Variants in LEPROTL1 observed in about 807,000 individuals in gnomAD.
The protein encoded by LEPROTL1 is leptin receptor overlapping transcript like 1, also known as leptin receptor overlapping transcript-like 1.
In LEPROTL1, 6 loss-of-function variants were observed where a neutral mutation model predicts 15.4. That is an observed-to-expected ratio of 0.39 (90% CI 0.21 to 0.77). The LOEUF (loss-of-function observed/expected upper bound fraction) is 0.77. Among genes scored for constraint, LEPROTL1 ranks in the 30% least tolerant of loss-of-function variants. The pLI is 0.41. For synonymous variants in LEPROTL1, 56 were observed against 52.6 expected (o/e 1.06, Z -0.28); for missense variants, 128 against 158.1 (o/e 0.81, Z 1.02).
downstream of LEPROTL1, among the ~76,000 whole-genome samples, chr8:30,110,480 T>C (rs960095138): frequency 6.6e-5 from 10 of 151,966 alleles, no homozygotes; most frequent in Admixed American, 5.9e-4. Flanking sequence ...AATCCCAGCA[T>C]TTTGGGAGGC....
At chr8:30,102,013 A>C in intron 2 of LEPROTL1, 40 bp downstream of exon 2, 1 of 1,326,730 alleles carries the variant, frequency 7.5e-7, no homozygotes, top group East Asian at 2.4e-5. Context: ...TTAAGGGTAA[A>C]ATTTTTCTAC....
At chr8:30,100,068 C>T (rs1300652006) in intron 1 of LEPROTL1, among the ~76,000 whole-genome samples, 2 of 152,202 alleles carry the variant, frequency 1.3e-5, no homozygotes, top group Non-Finnish European at 1.5e-5. Context: ...AGTAAAAATG[C>T]AATTCTTTTC....
rs537574908 is a variant in LEPROTL1, at chr8:30,133,042, C to T, written c.394+553C>T. On this transcript the variant is annotated intron_variant, in intron 4 of 4. Transcript: ENST00000442880. Reference sequence around the variant, plus strand: ...AGATTAATCTCATGGCCTGCAGGACCCCACACAAAATAAATCTTAAAATAA... The same window carrying T: ...AGATTAATCTCATGGCCTGCAGGACTCCACACAAAATAAATCTTAAAATAA... 1.8e-5 allele frequency: 12 copies of T among 660,478 alleles called. No homozygotes were observed. In the South Asian group the frequency reaches 2.6e-4, roughly 14 times the overall value. The allele number at this position is 660,478 out of a possible 1,614,324, so 40.9% of individuals were successfully genotyped here.
At chr8:30,125,278 C>T (rs537953970) in intron 3 of LEPROTL1, among the ~76,000 whole-genome samples, 33 of 152,290 alleles carry the variant, frequency 2.2e-4, no homozygotes, top group Non-Finnish European at 3.8e-4. Context: ...CTGTTATGAG[C>T]TGCCAAATAA....
At chr8:30,120,264 AAC>A (rs1380729452) in intron 3 of LEPROTL1, among the ~76,000 whole-genome samples, 1 of 152,058 alleles carries the variant, frequency 6.6e-6, no homozygotes, top group Non-Finnish European at 1.5e-5. Flanking sequence ...AAAATCTGTT[AAC>A]AGTTGCTTCC....
intron 4 of LEPROTL1, chr8:30,133,004 G>A (rs1287346595): frequency 2.5e-6 from 3 of 1,220,622 alleles, no homozygotes; most frequent in East Asian, 2.6e-5. Context: ...AAATAGATAG[G>A]TCTGTACAGC....
At chr8:30,117,546 G>A (rs941646370) in intron 3 of LEPROTL1, 15 of 1,298,120 alleles carry the variant, frequency 1.2e-5, no homozygotes, top group Non-Finnish European at 1.5e-5. Context: ...ATCAAATCTG[G>A]GGCTGATCAC....
chr8:30,114,149 C>G (rs1802698098), intron 3 of LEPROTL1, among the ~76,000 whole-genome samples: 1 of 152,002 alleles, frequency 6.6e-6, no homozygotes, highest in African/African-American at 2.4e-5. Context: ...ATGGATAAAC[C>G]TTATTCAACA....
chr8:30,121,379 A>G (rs1336489374), intron 3 of LEPROTL1, among the ~76,000 whole-genome samples: 1 of 151,792 alleles, frequency 6.6e-6, no homozygotes, highest in Non-Finnish European at 1.5e-5. Context: ...CAGCCTCCCA[A>G]GTAGCTGGGA....
chr8:30,129,917 G>A (rs1802971179), intron 3 of LEPROTL1, among the ~76,000 whole-genome samples: 2 of 152,130 alleles, frequency 1.3e-5, no homozygotes, highest in Admixed American at 1.3e-4. Flanking sequence ...GCTGGAGCAG[G>A]AGGAAGAGAA....
intron 3 of LEPROTL1, among the ~76,000 whole-genome samples, chr8:30,127,398 G>T (rs1023662112): frequency 6.6e-6 from 1 of 152,186 alleles, no homozygotes; most frequent in African/African-American, 2.4e-5. Flanking sequence ...GTCAGGAGGT[G>T]TGTGCCCAAT....
At chr8:30,131,043 C>A (rs1044284592) in intron 3 of LEPROTL1, among the ~76,000 whole-genome samples, 2 of 151,940 alleles carry the variant, frequency 1.3e-5, no homozygotes, top group African/African-American at 4.8e-5. Flanking sequence ...ATCCGCCCGT[C>A]TCGGCCTCCC....
chr8:30,100,329 G>T (rs962852459), intron 1 of LEPROTL1, among the ~76,000 whole-genome samples: 1 of 152,036 alleles, frequency 6.6e-6, no homozygotes, highest in Non-Finnish European at 1.5e-5. Context: ...CAAATCTTTC[G>T]AATTTTAACT....
chr8:30,095,551 G>A, intron 1 of LEPROTL1, 23 bp downstream of exon 1: 2 of 1,386,262 alleles, frequency 1.4e-6, no homozygotes, highest in South Asian at 3.1e-5. Context: ...TGCAGGACGC[G>A]GGAGGGCTGG....
At chr8:30,118,705 A>G (rs1342927665) in intron 3 of LEPROTL1, among the ~76,000 whole-genome samples, 2 of 152,196 alleles carry the variant, frequency 1.3e-5, no homozygotes, top group Non-Finnish European at 2.9e-5. Flanking sequence ...CTCAGTATTT[A>G]TAACTATTTT....
At position 30,106,568 on chromosome 8, in the gene LEPROTL1, TTTAAGG is replaced by T. The variant is rs1176407594; in HGVS notation, c.*708_*713del. On this transcript the variant is annotated 3_prime_UTR_variant, in exon 4 of 4. Coordinates refer to ENST00000321250, the MANE Select transcript of LEPROTL1 (RefSeq NM_015344.3). ...ATTGTTAGAAGAATTTATGTTAAAC[TTTAAGG>T]TAAGGGTGTAAAAACATTTTTGAGA... The T allele has an allele frequency of 1.0e-6, 1 of 983,962 alleles. No individual in the cohort carries two copies. The highest frequency in any genetic ancestry group is 1.2e-6 in the Non-Finnish European group (1 of 828,898). The allele number at this position is 983,962 out of a possible 1,614,324, so 61.0% of individuals were successfully genotyped here.
At chr8:30,127,296 A>G (rs1802918627) in intron 3 of LEPROTL1, among the ~76,000 whole-genome samples, 2 of 152,198 alleles carry the variant, frequency 1.3e-5, no homozygotes, top group Middle Eastern at 3.4e-3. Context: ...CTCAGACACT[A>G]TTTTCAAACA....
rs1802604277 is a variant in LEPROTL1, at chr8:30,108,317, G to A, written c.*2455G>A. On this transcript the variant is annotated 3_prime_UTR_variant, in exon 4 of 4. Coordinates refer to ENST00000321250, the MANE Select transcript of LEPROTL1 (RefSeq NM_015344.3). ...TTTTACAAAATCTTTTACAAAAATA[G>A]TCATAAAAGGTTTTGTTGACATTTA... 1 of 152,244 alleles carries A rather than the reference G, an allele frequency of 6.6e-6. No homozygotes were observed. The highest frequency in any genetic ancestry group is 6.6e-5 in the Admixed American group (1 of 15,264). The allele number at this position is 152,244 out of a possible 1,614,324, so 9.4% of individuals were successfully genotyped here. A position where few individuals can be genotyped will look rare whatever the true frequency, so the allele number is the denominator to read the frequency against.
chr8:30,114,631 C>T (rs1472368360), intron 3 of LEPROTL1, among the ~76,000 whole-genome samples: 1 of 152,068 alleles, frequency 6.6e-6, no homozygotes, highest in Non-Finnish European at 1.5e-5. Flanking sequence ...CCTGCATGGC[C>T]CATTGTGGAC....
Sources: gnomAD v4.1 joint callset for allele counts (sites outside exome capture counted in the v4.1 genomes callset) on GRCh38, gnomAD v4.1.1 for gene constraint, MANE v1.5 for transcripts, NCBI Gene and HGNC (gene_info 2026-07-23, HGNC 2026-07-21) for gene names.